REL: variants seen among roughly 807,000 people sequenced by gnomAD.
REL encodes proto-oncogene c-Rel.
A neutral mutation model predicts 45.9 loss-of-function variants in REL; 15 were observed. The ratio of observed to expected loss-of-function variants is 0.33; its 90% CI spans 0.22 to 0.50. The LOEUF (loss-of-function observed/expected upper bound fraction) is 0.50, where lower values mean the gene tolerates loss of function less well. Ranked by LOEUF, REL falls within the 20% of genes least tolerant of loss-of-function variation. The pLI is 0.98. For synonymous variants in REL, 239 were observed against 242.1 expected, an observed-to-expected ratio of 0.99 and a Z score of 0.12; for missense variants, 601 against 715.2, an observed-to-expected ratio of 0.84 and a Z score of 1.82.
At position 60,928,421 on chromosome 2, in the gene REL, C is replaced by CTA. The variant is rs1394776511; in HGVS notation, c.*5889_*5890dup. ...AGGCATCACACTACCTGACTTCAAA[C>CTA]TATACTACAAGGCTACAGTAACCAA... is the stretch of plus-strand genomic sequence containing the variant. On this transcript the variant is annotated 3_prime_UTR_variant, in exon 10 of 10. Transcript: ENST00000394479. The CTA allele has an allele frequency of 1.3e-5, 2 of 151,584 alleles. No individual in the cohort carries two copies. The highest frequency in any genetic ancestry group is 2.9e-5 in the Non-Finnish European group (2 of 67,802). 9.4% of individuals were successfully genotyped at this position (151,584 alleles called of 1,614,324 possible).
chr2:60,911,828 A>C (rs1673822984), intron 4 of REL, among the ~76,000 whole-genome samples: 1 of 151,764 alleles, frequency 6.6e-6, no homozygotes, highest in South Asian at 2.1e-4. Flanking sequence ...ATGAAACCCC[A>C]TCTCTACTTA....
chr2:60,925,986 AT>A lies in REL; in HGVS notation c.*3457del. ...ATGGATTTTTCATTTTTCAGGTGCTATTTTTTGACCCTGTATAGACTTTAAT... is the reference window on the plus strand; with the variant it reads ...ATGGATTTTTCATTTTTCAGGTGCTATTTTTGACCCTGTATAGACTTTAAT... On this transcript the variant is annotated 3_prime_UTR_variant, in exon 10 of 10. Coordinates refer to ENST00000394479, the MANE Select transcript of REL (RefSeq NM_001291746.2). 4.4e-6 allele frequency: 1 copy of A among 226,778 alleles called. No individual in the cohort carries two copies. 14.0% of individuals were successfully genotyped at this position (226,778 alleles called of 1,614,324 possible).
chr2:60,926,231 G>A lies in REL; in HGVS notation c.*3696G>A. On this transcript the variant is annotated 3_prime_UTR_variant, in exon 10 of 10. Transcript: ENST00000394479. ...ATAAACATGGTAAATGTCTTCATTA[G>A]CCTAAAAGGAAAGACCAAATAAAAC... 1 of 230,744 alleles carries A rather than the reference G, an allele frequency of 4.3e-6. No homozygotes were observed. The allele number at this position is 230,744 out of a possible 1,614,324, so 14.3% of individuals were successfully genotyped here.
chr2:60,914,055 A>C (rs1259065798), intron 4 of REL, among the ~76,000 whole-genome samples: 1 of 152,228 alleles, frequency 6.6e-6, no homozygotes, highest in Non-Finnish European at 1.5e-5. Flanking sequence ...TTCTGACTTC[A>C]TTTGAAACTT....
intron 3 of REL, 120 bp from the exon 4 acceptor site, chr2:60,900,872 C>T (rs1673475478): frequency 1.8e-5 from 15 of 819,800 alleles, no homozygotes; most frequent in Middle Eastern, 3.6e-4. Flanking sequence ...ATTGGAAGCA[C>T]GTTCATGCTT....
intron 1 of REL, among the ~76,000 whole-genome samples, chr2:60,882,520 C>G (rs1038884624): frequency 6.6e-6 from 1 of 151,896 alleles, no homozygotes; most frequent in African/African-American, 2.4e-5. Flanking sequence ...ACTAAAAATA[C>G]AAAAATCAGC....
rs1375854112 is a variant in REL at position 60,922,081 on chromosome 2, T to C, written c.1310T>C (p.Ile437Thr). 1.2e-6 allele frequency: 2 copies of C among 1,614,026 alleles called. No homozygotes were observed. The highest frequency in any genetic ancestry group is 1.3e-5 in the African/African-American group (1 of 74,918). The change falls in exon 10 of 10, where the codon ATA becomes ACA. Residue 437 changes from isoleucine (I) to threonine (T), a missense_variant. Physicochemically the swap from Ile to Thr is moderately conservative, Grantham distance 89 (BLOSUM62 -1). Transcript: ENST00000394479. ...NACIYNNADDIVGMEASSMPS... is the reference protein window; with the variant it reads ...NACIYNNADDTVGMEASSMPS... ...TGCATTTACAACAATGCCGATGACA[T>C]AGTCGGAATGGAAGCGTCATCCATG...
intron 4 of REL, among the ~76,000 whole-genome samples, chr2:60,903,253 T>G (rs554750989): frequency 6.6e-6 from 1 of 152,332 alleles, no homozygotes; most frequent in African/African-American, 2.4e-5. Context: ...CTTTTGTTAT[T>G]TAACTGTCCC....
Position 60,888,001 on chromosome 2 carries a change from C to T in REL, c.11-3682C>T, listed in dbSNP as rs186237539. Among the ~76,000 whole-genome samples the T allele has an allele frequency of 9.2e-5, 14 of 151,566 alleles. No homozygotes were observed. In the East Asian group the frequency reaches 2.6e-3, roughly 28 times the overall value. On this transcript the variant is annotated intron_variant, in intron 1 of 9. Transcript: ENST00000394479. Reference sequence around the variant, plus strand: ...AGAGTGCAGTGGTACAATCTTGGCTCACTGCAGCCTCCACCTCCTGGGTTC... The same window carrying T: ...AGAGTGCAGTGGTACAATCTTGGCTTACTGCAGCCTCCACCTCCTGGGTTC...
chr2:60,902,595 C>CTTTT (rs59468048), intron 4 of REL, among the ~76,000 whole-genome samples: 1 of 120,802 alleles, frequency 8.3e-6, no homozygotes, highest in Non-Finnish European at 1.8e-5. Context: ...ATTTAGTCAT[C>CTTTT]TTTTTTTTTT....
At position 60,901,001 on chromosome 2, in the gene REL, T is replaced by G. The variant is rs1573325288; in HGVS notation, c.312T>G (p.Asn104Lys). 6.2e-7 allele frequency: 1 copy of G among 1,605,362 alleles called. No individual in the cohort carries two copies. The highest frequency in any genetic ancestry group is 1.3e-5 in the African/African-American group (1 of 74,532). ...GQERRPLFFQ[N>K]LGIRCVKKKE... ...GTTTTTTTCCTGCTAGTTTCCAAAATTTGGGTATTCGATGTGTGAAGAAAA... is the reference window on the plus strand; with the variant it reads ...GTTTTTTTCCTGCTAGTTTCCAAAAGTTGGGTATTCGATGTGTGAAGAAAA... Residue 104 changes from asparagine (N) to lysine (K), a missense_variant, in exon 4 of 10, where the codon AAT (asparagine) becomes AAG (lysine). Asn to Lys is a moderately conservative substitution (Grantham distance 94, BLOSUM62 0). This residue lies in a region of REL where 241 missense variants were observed against 347.0 expected (regional missense o/e 0.69). Coordinates refer to ENST00000394479, the MANE Select transcript of REL (RefSeq NM_001291746.2).
chr2:60,888,150 A>G (rs1403977781), intron 1 of REL, among the ~76,000 whole-genome samples: 1 of 152,044 alleles, frequency 6.6e-6, no homozygotes, highest in Admixed American at 6.6e-5. Context: ...GCTGGTCTGG[A>G]ACTCCTGACC....
chr2:60,894,371 T>G, intron 2 of REL, 26 bp from the exon 3 acceptor site: 3 of 1,372,818 alleles, frequency 2.2e-6, no homozygotes, highest in Middle Eastern at 3.8e-4. Flanking sequence ...ATTTGGATCA[T>G]GTATTTAATT....
At position 60,926,089 on chromosome 2, in the gene REL, T is replaced by C. The variant is rs1674261427; in HGVS notation, c.*3554T>C. 1.7e-5 allele frequency: 4 copies of C among 231,342 alleles called. No homozygotes were observed. In the East Asian group the frequency reaches 2.4e-4, roughly 14 times the overall value. The allele number at this position is 231,342 out of a possible 1,614,324, so 14.3% of individuals were successfully genotyped here. A position where few individuals can be genotyped will look rare whatever the true frequency, so the allele number is the denominator to read the frequency against. ...TTCACCTGCTCTTTTAACACCTGCTTTTAGTATCTGAGGCACTTTTTCTGA... is the reference window on the plus strand; with the variant it reads ...TTCACCTGCTCTTTTAACACCTGCTCTTAGTATCTGAGGCACTTTTTCTGA... On this transcript the variant is annotated 3_prime_UTR_variant, in exon 10 of 10. Transcript: ENST00000394479.
At chr2:60,917,479 G>T (rs1674006084) in intron 5 of REL, among the ~76,000 whole-genome samples, 1 of 148,030 alleles carries the variant, frequency 6.8e-6, no homozygotes, top group Non-Finnish European at 1.5e-5. Flanking sequence ...TTTTCTTTTT[G>T]GCCTAGCAAA....
intron 4 of REL, among the ~76,000 whole-genome samples, chr2:60,903,772 C>T (rs937800787): frequency 9.9e-5 from 15 of 152,138 alleles, no homozygotes; most frequent in African/African-American, 3.6e-4. Context: ...CTCAAGTGAT[C>T]CTCCTGCCTC....
chr2:60,894,554 A>G lies in REL; in HGVS notation c.302+9A>G, dbSNP rs1673299817. On this transcript the variant is annotated intron_variant, in intron 3 of 9. Coordinates refer to ENST00000394479, the MANE Select transcript of REL (RefSeq NM_001291746.2). ...GAACGCAGACCTTTGTTGTAAGTAC[A>G]CAGTTACAGACATCTTCAGAAATAA... The G allele has an allele frequency of 1.3e-6, 2 of 1,541,638 alleles. No homozygotes were observed. Among genetic ancestry groups the G allele is most frequent in the South Asian group, 1.2e-5 (1 of 80,662 alleles).
chr2:60,922,702 C>G lies in REL; in HGVS notation c.*167C>G. On this transcript the variant is annotated 3_prime_UTR_variant, in exon 10 of 10. Coordinates refer to ENST00000394479, the MANE Select transcript of REL (RefSeq NM_001291746.2). ...TAAAAAACTTTTTTCAGGGAAGAAG[C>G]ATACAACTTTGGACATAGCGAATAC... 7.8e-7 allele frequency: 1 copy of G among 1,278,022 alleles called. No homozygotes were observed. Among genetic ancestry groups the G allele is most frequent in the Non-Finnish European group, 9.9e-7 (1 of 1,013,896 alleles). The allele number at this position is 1,278,022 out of a possible 1,614,324, so 79.2% of individuals were successfully genotyped here. A position where few individuals can be genotyped will look rare whatever the true frequency, so the allele number is the denominator to read the frequency against.
intron 8 of REL, 94 bp from the exon 9 acceptor site, chr2:60,920,480 T>G: frequency 1.1e-6 from 1 of 927,380 alleles, no homozygotes; most frequent in Non-Finnish European, 1.8e-6. Flanking sequence ...GGATTACAGG[T>G]GGGAGCCACC....
Sources: allele counts gnomAD v4.1 joint callset (sites outside exome capture counted in the v4.1 genomes callset), GRCh38; gene constraint gnomAD v4.1.1; regional missense constraint gnomAD v4.1.1; transcripts MANE v1.5; gene names NCBI Gene and HGNC (gene_info 2026-07-23, HGNC 2026-07-21).